TMPRSS15: variants seen among roughly 807,000 people sequenced by gnomAD.
The protein encoded by TMPRSS15 is enteropeptidase.
Under a neutral mutation model 125.3 loss-of-function variants are expected in TMPRSS15, and 128 were observed. The observed-to-expected ratio is 1.02, with a 90% CI of 0.89 to 1.18. The LOEUF is 1.18. Ranked by LOEUF, TMPRSS15 falls within the 50% of genes most tolerant of loss-of-function variation. TMPRSS15 has a pLI of 0.00. For missense variants in TMPRSS15, 1,283 were observed against 1,212.7 expected (o/e 1.06, Z -0.86); for synonymous variants, 446 against 423.2 (o/e 1.05, Z -0.66).
chr21:18,365,552 TTCTCTCTTTCTTTC>T (rs1379503605), intron 6 of TMPRSS15, among the ~76,000 whole-genome samples: 4 of 128,378 alleles, frequency 3.1e-5, no homozygotes, highest in African/African-American at 6.1e-5. Flanking sequence ...TTCCTTCCTT[TTCTCTCTTTCTTTC>T]TCTCTCTTTC....
chr21:18,397,992 T>G (rs1226197193), intron 2 of TMPRSS15, 46 bp from the exon 3 acceptor site: 1 of 1,338,438 alleles, frequency 7.5e-7, no homozygotes, highest in African/African-American at 1.5e-5. Flanking sequence ...ATTTAGGATT[T>G]TAACTTTTGT....
intron 5 of TMPRSS15, among the ~76,000 whole-genome samples, chr21:18,374,205 G>A (rs984714750): frequency 3.3e-5 from 5 of 152,080 alleles, no homozygotes; most frequent in African/African-American, 1.2e-4. Flanking sequence ...CGGGCGCGGT[G>A]GCTCACGCCT....
intron 19 of TMPRSS15, among the ~76,000 whole-genome samples, chr21:18,296,229 T>C (rs2074906335): frequency 2.0e-5 from 3 of 152,212 alleles, no homozygotes; most frequent in Admixed American, 1.3e-4. Context: ...TTCCCTGACA[T>C]CCTCTTCTTT....
intron 1 of TMPRSS15, among the ~76,000 whole-genome samples, chr21:18,402,898 TCTAA>T (rs1171520213): frequency 6.6e-6 from 1 of 152,216 alleles, no homozygotes; most frequent in Non-Finnish European, 1.5e-5. Context: ...CAAAGTTAGC[TCTAA>T]CTAAGAGTTA....
At chr21:18,457,673 G>C (rs1332357510) in intron 1 of TMPRSS15, among the ~76,000 whole-genome samples, 1 of 152,112 alleles carries the variant, frequency 6.6e-6, no homozygotes, top group Non-Finnish European at 1.5e-5. Context: ...GGGCTAATAA[G>C]AAATGGGCTC....
intron 1 of TMPRSS15, among the ~76,000 whole-genome samples, chr21:18,476,050 TC>T (rs949261932): frequency 2.6e-5 from 4 of 152,288 alleles, no homozygotes; most frequent in Admixed American, 2.6e-4. Context: ...TTTACTGTGT[TC>T]CAAGAGCCAA....
intron 1 of TMPRSS15, among the ~76,000 whole-genome samples, chr21:18,480,304 G>A (rs1268703008): frequency 2.0e-5 from 3 of 151,870 alleles, no homozygotes; most frequent in Non-Finnish European, 4.4e-5. Context: ...TCTTGTTCAT[G>A]TATGGATTTT....
At chr21:18,304,694 G>A (rs532838335) in intron 18 of TMPRSS15, among the ~76,000 whole-genome samples, 29 of 152,076 alleles carry the variant, frequency 1.9e-4, no homozygotes, top group African/African-American at 7.0e-4. Context: ...TATCATTTAT[G>A]TTCACCTTTG....
intron 6 of TMPRSS15, among the ~76,000 whole-genome samples, chr21:18,366,346 A>G (rs995188420): frequency 7.2e-5 from 11 of 152,132 alleles, no homozygotes; most frequent in Non-Finnish European, 1.5e-4. Flanking sequence ...CCTTTGGGAG[A>G]TAACTAGTTC....
intron 1 of TMPRSS15, among the ~76,000 whole-genome samples, chr21:18,479,968 G>A (rs1186063480): frequency 3.3e-5 from 5 of 152,018 alleles, no homozygotes. Context: ...GTTCACAATA[G>A]CAAAGACTTG....
chr21:18,368,752 C>T (rs1408516092), intron 6 of TMPRSS15, among the ~76,000 whole-genome samples: 4 of 152,078 alleles, frequency 2.6e-5, no homozygotes, highest in African/African-American at 7.2e-5. Flanking sequence ...TCTGCTCTAA[C>T]GAGGCTCTAG....
intron 18 of TMPRSS15, 27 bp downstream of exon 18, chr21:18,312,918 A>C: frequency 6.2e-7 from 1 of 1,611,940 alleles, no homozygotes; most frequent in Non-Finnish European, 8.5e-7. Context: ...CAAATCTCTT[A>C]AAAAGGAACT....
chr21:18,346,839 T>C (rs1329806237), intron 10 of TMPRSS15, among the ~76,000 whole-genome samples: 3 of 152,214 alleles, frequency 2.0e-5, no homozygotes, highest in African/African-American at 7.2e-5. Context: ...AATTAGCCCC[T>C]TATTCAAGAT....
chr21:18,485,625 C>T (rs1979064655), intron 1 of TMPRSS15, among the ~76,000 whole-genome samples: 1 of 151,908 alleles, frequency 6.6e-6, no homozygotes, highest in African/African-American at 2.4e-5. Context: ...ATTCTTTTGA[C>T]ATGGTGAATA....
chr21:18,365,392 A>G, intron 6 of TMPRSS15, 144 bp from the exon 7 acceptor site: 4 of 745,760 alleles, frequency 5.4e-6, no homozygotes. Context: ...CATGTTTGAA[A>G]CCTATTAGCC....
At chr21:18,432,727 G>A (rs1208081215) in intron 1 of TMPRSS15, among the ~76,000 whole-genome samples, 1 of 152,132 alleles carries the variant, frequency 6.6e-6, no homozygotes, top group East Asian at 1.9e-4. Flanking sequence ...GTAGATTTTG[G>A]ATTTCCAGCC....
intron 1 of TMPRSS15, among the ~76,000 whole-genome samples, chr21:18,433,621 GCTA>G (rs1184277101): frequency 1.6e-5 from 2 of 126,080 alleles, no homozygotes; most frequent in Non-Finnish European, 3.1e-5. Flanking sequence ...CCATGATTGT[GCTA>G]CTGCACTCCA....
chr21:18,391,742 C>A (rs988204100), intron 3 of TMPRSS15, among the ~76,000 whole-genome samples: 2 of 152,208 alleles, frequency 1.3e-5, no homozygotes, highest in African/African-American at 4.8e-5. Context: ...GGGGCTCTAG[C>A]CACACATTTT....
chr21:18,278,723 AAAAC>A (rs1282687542), intron 23 of TMPRSS15, among the ~76,000 whole-genome samples: 11 of 152,304 alleles, frequency 7.2e-5, no homozygotes, highest in South Asian at 6.2e-4. Flanking sequence ...CTCCGTCTCA[AAAAC>A]AAACAAACAA....
Sources: gnomAD v4.1 joint callset for allele counts (sites outside exome capture counted in the v4.1 genomes callset) on GRCh38, gnomAD v4.1.1 for gene constraint, MANE v1.5 for transcripts, NCBI Gene and HGNC (gene_info 2026-07-23, HGNC 2026-07-21) for gene names.